Variants in MACF1 observed in about 807,000 individuals in gnomAD.
MACF1 encodes the protein microtubule actin crosslinking factor 1.
In MACF1, 193 loss-of-function variants were observed where a neutral mutation model predicts 854.8. That is an observed-to-expected ratio of 0.23 (90% CI 0.20 to 0.25). The LOEUF is 0.25. Among genes scored for constraint, MACF1 ranks in the 10% least tolerant of loss-of-function variants. The pLI, the probability that MACF1 is intolerant of heterozygous loss-of-function variation, is 1.00. For missense variants in MACF1, 7,722 were observed against 8,929.1 expected, an observed-to-expected ratio of 0.86 and a Z score of 5.45; for synonymous variants, 3,185 against 3,226.7, an observed-to-expected ratio of 0.99 and a Z score of 0.44.
chr1:39,318,647 T>C, intron 30 of MACF1, 32 bp downstream of exon 30: 2 of 1,532,446 alleles, frequency 1.3e-6, no homozygotes, highest in Non-Finnish European at 8.8e-7. Context: ...GCGAGAAGAG[T>C]TAGAAATTTA....
chr1:39,240,366 A>AT (rs1644908116), intron 2 of MACF1, among the ~76,000 whole-genome samples: 1 of 151,982 alleles, frequency 6.6e-6, no homozygotes, highest in Non-Finnish European at 1.5e-5. Flanking sequence ...CCTGGACCTG[A>AT]TTTTTTAGGG....
intron 2 of MACF1, among the ~76,000 whole-genome samples, chr1:39,122,446 G>A (rs182835255): frequency 6.6e-6 from 1 of 151,824 alleles, no homozygotes; most frequent in Non-Finnish European, 1.5e-5. Context: ...GTAGAGATGG[G>A]GTTTCACCAT....
At position 39,335,035 on chromosome 1, in the gene MACF1, A is replaced by C. The variant is rs199619175; in HGVS notation, c.8447A>C (p.Gln2816Pro). 4.9e-4 allele frequency: 784 copies of C among 1,614,084 alleles called. 13 individuals carry two copies. In the South Asian group the frequency reaches 6.9e-3, roughly 14 times the overall value. Reference protein sequence around the residue: ...NKVEESERLFQVENQSAQEKV... With the variant: ...NKVEESERLFPVENQSAQEKV... The stretch of plus-strand genomic sequence containing the variant: ...GTAGAAGAGAGTGAGAGATTATTTC[A>C]AGTTGAAAATCAGTCTGCACAAGAA... Residue 2816 changes from glutamine (Q) to proline (P), a missense_variant, in exon 37 of 101, where the codon CAA becomes CCA. Gln to Pro is a moderately conservative substitution (Grantham distance 76). Around this residue, in one of 15 missense-constraint regions of MACF1, gnomAD observed 1,531 missense variants for 1,601.6 expected, o/e 0.96. Coordinates refer to ENST00000564288, the MANE Select transcript of MACF1 (RefSeq NM_001394062.1).
chr1:39,249,956 G>T, intron 2 of MACF1, 58 bp from the exon 3 acceptor site: 3 of 903,646 alleles, frequency 3.3e-6, no homozygotes, highest in South Asian at 3.1e-5. Context: ...ATTTTTATGT[G>T]GATAGTATAA....
chr1:39,211,095 T>G (rs576866661), intron 1 of MACF1, among the ~76,000 whole-genome samples: 73 of 152,156 alleles, frequency 4.8e-4, no homozygotes, highest in African/African-American at 1.8e-3. Context: ...GCCTCCCGAG[T>G]AGCTGGGATT....
At position 39,388,310 on chromosome 1, in the gene MACF1, G is replaced by A. The variant is rs621075; in HGVS notation, c.15468G>A (p.Gln5156=). Residue 5156 remains glutamine, a synonymous_variant, in exon 58 of 101, where the codon CAG becomes CAA. Transcript: ENST00000564288. ...TTGGCAGAGACACTGATAGCCTCCA[G>A]TCCCAAATCGAGGATGTCCGGCTAT... ...GAIGRDTDSL[Q]SQIEDVRLFL... is the part of the protein sequence containing the mutation. The A allele has an allele frequency of 3.7e-6, 6 of 1,614,072 alleles. No homozygotes were observed. The highest frequency in any genetic ancestry group is 4.2e-6 in the Non-Finnish European group (5 of 1,180,036).
Position 39,340,898 on chromosome 1 carries a change from G to T in MACF1, c.10526G>T (p.Gly3509Val), listed in dbSNP as rs1569577363. Reference protein sequence around the residue: ...GNKNLILNSKGSNSEIDVDSL... With the variant: ...GNKNLILNSKVSNSEIDVDSL... ...AAAAATCTTATTCTGAACAGCAAGG[G>T]ATCTAACAGTGAAATAGATGTTGAC... Residue 3509 changes from glycine to valine, a missense_variant, in exon 40 of 101, where the codon GGA becomes GTA. Gly to Val is a moderately radical substitution (Grantham distance 109). Transcript: ENST00000564288. 1.2e-6 allele frequency: 2 copies of T among 1,613,662 alleles called. No individual in the cohort carries two copies. The highest frequency in any genetic ancestry group is 1.7e-6 in the Non-Finnish European group (2 of 1,179,764).
At chr1:39,241,328 T>G (rs764792101) in intron 2 of MACF1, among the ~76,000 whole-genome samples, 11 of 152,074 alleles carry the variant, frequency 7.2e-5, no homozygotes, top group Non-Finnish European at 1.5e-4. Context: ...TTTTAATTGT[T>G]TAGAGGAAAG....
intron 95 of MACF1, chr1:39,467,932 A>G (rs1644702615): frequency 6.6e-6 from 1 of 152,218 alleles, no homozygotes; most frequent in Non-Finnish European, 1.5e-5. Context: ...GATATCCACA[A>G]TCTTTCTTTT....
chr1:39,312,082 A>T (rs973262857), intron 26 of MACF1, among the ~76,000 whole-genome samples: 1 of 152,118 alleles, frequency 6.6e-6, no homozygotes, highest in African/African-American at 2.4e-5. Flanking sequence ...TGAAAAATAG[A>T]ACTCACTAAG....
chr1:39,476,098 C>T (rs1412909328), intron 97 of MACF1, among the ~76,000 whole-genome samples: 2 of 152,152 alleles, frequency 1.3e-5, no homozygotes, highest in Non-Finnish European at 2.9e-5. Flanking sequence ...ATGCTCATAG[C>T]ACAATAATTG....
intron 97 of MACF1, among the ~76,000 whole-genome samples, chr1:39,478,474 G>C (rs1473743579): frequency 6.6e-6 from 1 of 152,126 alleles, no homozygotes; most frequent in Non-Finnish European, 1.5e-5. Flanking sequence ...GCCAGAGCAG[G>C]AAAAAAATCA....
intron 88 of MACF1, 91 bp downstream of exon 88, chr1:39,453,941 T>C (rs1644386305): frequency 1.4e-6 from 2 of 1,438,806 alleles, no homozygotes; most frequent in East Asian, 2.3e-5. Context: ...AAGGAATCTT[T>C]CACTCACTGT....
intron 31 of MACF1, among the ~76,000 whole-genome samples, chr1:39,320,405 T>G (rs559618138): frequency 7.9e-5 from 12 of 152,264 alleles, no homozygotes; most frequent in African/African-American, 2.9e-4. Flanking sequence ...ATTTTCTGCA[T>G]GCCAAAAAGA....
At chr1:39,149,229 G>A (rs1468313765) in intron 2 of MACF1, among the ~76,000 whole-genome samples, 1 of 152,168 alleles carries the variant, frequency 6.6e-6, no homozygotes, top group Admixed American at 6.5e-5. Context: ...ATTACTTGAA[G>A]TGGGAAATTA....
At chr1:39,415,297 G>A (rs1643246946) in intron 58 of MACF1, among the ~76,000 whole-genome samples, 1 of 151,082 alleles carries the variant, frequency 6.6e-6, no homozygotes, top group African/African-American at 2.4e-5. Flanking sequence ...TGGGCTAAAT[G>A]TCCTCTTGGG....
intron 42 of MACF1, among the ~76,000 whole-genome samples, chr1:39,350,468 G>C (rs1401101390): frequency 6.6e-6 from 1 of 152,176 alleles, no homozygotes; most frequent in South Asian, 2.1e-4. Flanking sequence ...GGCCCATCAG[G>C]CCTCGACTCT....
At position 39,332,768 on chromosome 1, in the gene MACF1, A is replaced by G; in HGVS notation, c.6180A>G (p.Glu2060=). ...CCGATCGGGAAGATTGCACTACAGA[A>G]AAAGGCAAAAAGACCACTGTAGAAA... is the stretch of plus-strand genomic sequence containing the variant. The part of the protein sequence containing the change: ...EYPDREDCTT[E]KGKKTTVETE... The change falls in exon 37 of 101, where the codon GAA becomes GAG. Residue 2060 remains glutamate, a synonymous_variant. Coordinates refer to ENST00000564288, the MANE Select transcript of MACF1 (RefSeq NM_001394062.1). 1 of 1,614,210 alleles carries G rather than the reference A, an allele frequency of 6.2e-7. No individual in the cohort carries two copies. Among genetic ancestry groups the G allele is most frequent in the Non-Finnish European group, 8.5e-7 (1 of 1,180,036 alleles).
rs1643906157 is a variant in MACF1, at chr1:39,433,247, C to A, written c.17565+92C>A. ...GTGAAATGATGGTTTAAGGCTTTTT[C>A]CCTCCTGGACTTTTCTTATGATTGT... On this transcript the variant is annotated intron_variant, in intron 68 of 100. Transcript: ENST00000564288. 4 of 683,912 alleles carry A rather than the reference C, an allele frequency of 5.8e-6. No homozygotes were observed. The South Asian group carries it at 8.8e-5, about 15-fold the overall frequency. 42.4% of individuals were successfully genotyped at this position (683,912 alleles called of 1,614,324 possible).
Sources: allele counts gnomAD v4.1 joint callset (sites outside exome capture counted in the v4.1 genomes callset), GRCh38; gene constraint gnomAD v4.1.1; regional missense constraint gnomAD v4.1.1; transcripts MANE v1.5; gene names NCBI Gene and HGNC (gene_info 2026-07-23, HGNC 2026-07-21).